The following SLCO4C1 variants were observed in gnomAD, a reference collection of about 807,000 sequenced individuals.
The protein encoded by SLCO4C1 is solute carrier organic anion transporter family member 4C1.
A neutral mutation model predicts 72.1 loss-of-function variants in SLCO4C1; 58 were observed. The ratio of observed to expected loss-of-function variants is 0.80; its 90% confidence interval spans 0.65 to 1.00. The LOEUF (loss-of-function observed/expected upper bound fraction) is 1.00. Among genes scored for constraint, SLCO4C1 ranks in the 50% least tolerant of loss-of-function variants. The pLI is 0.00. For synonymous variants in SLCO4C1, 297 were observed against 312.5 expected (o/e 0.95, Z 0.52); for missense variants, 898 against 857.9 (o/e 1.05, Z -0.58).
At chr5:102,266,884 T>A (rs970616538) in intron 3 of SLCO4C1, among the ~76,000 whole-genome samples, 4 of 152,188 alleles carry the variant, frequency 2.6e-5, no homozygotes, top group African/African-American at 9.7e-5. Flanking sequence ...ACAGAGATGA[T>A]CATGTGATAT....
At chr5:102,283,656 T>C (rs1749396754) in intron 2 of SLCO4C1, among the ~76,000 whole-genome samples, 1 of 150,502 alleles carries the variant, frequency 6.6e-6, no homozygotes, top group Non-Finnish European at 1.5e-5. Context: ...TAGACACAAC[T>C]ACGCCTATGG....
chr5:102,267,660 GGTTT>G (rs1749068068), intron 3 of SLCO4C1, among the ~76,000 whole-genome samples: 1 of 137,526 alleles, frequency 7.3e-6, no homozygotes, highest in African/African-American at 2.7e-5. Context: ...TCTAATTTTG[GGTTT>G]GTTTGTTCTT....
chr5:102,260,759 T>G (rs1178834192), intron 5 of SLCO4C1, among the ~76,000 whole-genome samples: 4 of 152,142 alleles, frequency 2.6e-5, no homozygotes, highest in African/African-American at 9.6e-5. Flanking sequence ...GCTCTCTTAA[T>G]CCTAACATGC....
chr5:102,271,107 C>A (rs1749144849), intron 2 of SLCO4C1, among the ~76,000 whole-genome samples: 1 of 151,840 alleles, frequency 6.6e-6, no homozygotes, highest in Non-Finnish European at 1.5e-5. Flanking sequence ...TGTTGTATAC[C>A]CCATTTAATT....
intron 1 of SLCO4C1, among the ~76,000 whole-genome samples, chr5:102,295,652 A>G (rs750114086): frequency 1.3e-5 from 2 of 152,288 alleles, no homozygotes; most frequent in Non-Finnish European, 2.9e-5. Context: ...AAACTGAGGT[A>G]AAACACAAAA....
At chr5:102,288,569 T>G (rs1470450983) in intron 2 of SLCO4C1, among the ~76,000 whole-genome samples, 1 of 152,186 alleles carries the variant, frequency 6.6e-6, no homozygotes, top group Non-Finnish European at 1.5e-5. Context: ...TGCACTTCCC[T>G]GTATAAAACT....
chr5:102,267,685 T>G (rs936195512), intron 3 of SLCO4C1, among the ~76,000 whole-genome samples: 1 of 151,650 alleles, frequency 6.6e-6, no homozygotes, highest in African/African-American at 2.4e-5. Context: ...GCTTTTCCAT[T>G]TCCTTGAGGT....
At chr5:102,248,983 G>T (rs902569966) in intron 9 of SLCO4C1, among the ~76,000 whole-genome samples, 5 of 152,088 alleles carry the variant, frequency 3.3e-5, no homozygotes, top group African/African-American at 1.2e-4. Context: ...ATATGAATTT[G>T]TATTTAAAAA....
In SLCO4C1 at chr5:102,295,954, T is replaced by C. The variant is rs777859716; in HGVS notation, c.309A>G (p.Thr103=). 8.9e-5 allele frequency: 144 copies of C among 1,613,982 alleles called. No individual in the cohort carries two copies. The highest frequency in any genetic ancestry group is 1.0e-4 in the Non-Finnish European group (119 of 1,180,020). ...FHPQCLQRCN[T]PGGFLLHYCL... The stretch of plus-strand genomic sequence containing the variant: ...AGTAGTGAAGCAGAAAGCCTCCAGG[T>C]GTGTTGCAGCGCTGGAGACATTGAG... Residue 103 remains threonine (T), a synonymous_variant, in exon 1 of 13, where the codon ACA becomes ACG. Coordinates refer to ENST00000310954, the MANE Select transcript of SLCO4C1 (RefSeq NM_180991.5).
At chr5:102,247,762 A>G (rs540070032) in intron 9 of SLCO4C1, among the ~76,000 whole-genome samples, 3 of 152,164 alleles carry the variant, frequency 2.0e-5, no homozygotes, top group Non-Finnish European at 2.9e-5. Flanking sequence ...TTCAACAGTA[A>G]TTATTTCTTA....
intron 9 of SLCO4C1, 113 bp from the exon 10 acceptor site, chr5:102,247,555 C>T (rs964574392): frequency 3.4e-6 from 2 of 591,330 alleles, no homozygotes; most frequent in Non-Finnish European, 5.3e-6. Flanking sequence ...AATCCATATT[C>T]AACAAATTAT....
In SLCO4C1 at chr5:102,236,762, T is replaced by C; in HGVS notation, c.*96A>G. ...AAAACATCAATTTTGTAAATATGAT[T>C]GTCCATATTGGATAGATAATCCTGC... On this transcript the variant is annotated 3_prime_UTR_variant, in exon 13 of 13. Transcript: ENST00000310954. The C allele has an allele frequency of 1.7e-6, 2 of 1,208,830 alleles. No homozygotes were observed. Among genetic ancestry groups the C allele is most frequent in the Non-Finnish European group, 2.3e-6 (2 of 854,648 alleles). 74.9% of individuals were successfully genotyped at this position (1,208,830 alleles called of 1,614,324 possible).
chr5:102,268,302 T>G (rs1749081047), intron 3 of SLCO4C1, among the ~76,000 whole-genome samples: 1 of 152,154 alleles, frequency 6.6e-6, no homozygotes, highest in Non-Finnish European at 1.5e-5. Context: ...TTGCTATATC[T>G]TCTTAGTGAA....
Position 102,247,337 on chromosome 5 carries a change from T to C in SLCO4C1, c.1726A>G (p.Lys576Glu), listed in dbSNP as rs1748653643. 1 of 1,600,828 alleles carries C rather than the reference T, an allele frequency of 6.2e-7. No individual in the cohort carries two copies. Among genetic ancestry groups the C allele is most frequent in the African/African-American group, 1.3e-5 (1 of 74,904 alleles). ...KAGKCETHCA[K>E]LPIFLCIFFI... The stretch of plus-strand genomic sequence containing the variant: ...AAAATGCAAAGGAATATGGGCAGTT[T>C]CGCACAATGAGTTTCACATTTTCCA... Residue 576 changes from lysine to glutamate, a missense_variant, in exon 10 of 13, where the codon AAA (lysine) becomes GAA (glutamate). Coordinates refer to ENST00000310954, the MANE Select transcript of SLCO4C1 (RefSeq NM_180991.5).
At chr5:102,288,540 T>C (rs1282797017) in intron 2 of SLCO4C1, among the ~76,000 whole-genome samples, 1 of 152,204 alleles carries the variant, frequency 6.6e-6, no homozygotes, top group Non-Finnish European at 1.5e-5. Context: ...CTCTTGTCTC[T>C]TAAACTCCAG....
rs996746489 is a variant in SLCO4C1 at position 102,237,098 on chromosome 5, T to C, written c.2015-80A>G. ...TATCACTGAGAAAAATCTTCATGAA[T>C]AGAACATTTTTAAAGAGAATAATTA... is the stretch of plus-strand genomic sequence containing the variant. On this transcript the variant is annotated intron_variant, in intron 12 of 12. Coordinates refer to ENST00000310954, the MANE Select transcript of SLCO4C1 (RefSeq NM_180991.5). The C allele has an allele frequency of 3.1e-5, 41 of 1,332,444 alleles. No homozygotes were observed. The African/African-American group carries it at 5.7e-4, about 18-fold the overall frequency. The allele number at this position is 1,332,444 out of a possible 1,614,324, so 82.5% of individuals were successfully genotyped here. A position where few individuals can be genotyped will look rare whatever the true frequency, so the allele number is the denominator to read the frequency against.
intron 1 of SLCO4C1, 100 bp from the exon 2 acceptor site, chr5:102,291,706 TC>T (rs776567293): frequency 0.053 from 46,327 of 873,118 alleles, 326 homozygotes; most frequent in East Asian, 0.065. Flanking sequence ...TTCTTTTTTT[TC>T]TTAAAATGTA....
rs1749132066 is a variant in SLCO4C1 at position 102,270,630 on chromosome 5, A to C, written c.796T>G (p.Tyr266Asp). The C allele has an allele frequency of 1.2e-6, 2 of 1,608,866 alleles. No individual in the cohort carries two copies. The highest frequency in any genetic ancestry group is 2.2e-5 in the South Asian group (2 of 90,094). The change falls in exon 3 of 13, where the codon TAT becomes GAT. Residue 266 changes from tyrosine (Y) to aspartate (D), a missense_variant. By Grantham distance (160) the Tyr-to-Asp change is radical (BLOSUM62 -3). Coordinates refer to ENST00000310954, the MANE Select transcript of SLCO4C1 (RefSeq NM_180991.5). ...DSVPTHKSSL[Y>D]IGTGYAMSIL... ...GTTTAGAGAGTAAACTTACCTATATAGAGAGAAGACTTGTGTGTGGGCACA... is the reference window on the plus strand; with the variant it reads ...GTTTAGAGAGTAAACTTACCTATATCGAGAGAAGACTTGTGTGTGGGCACA...
intron 8 of SLCO4C1, among the ~76,000 whole-genome samples, chr5:102,252,113 G>A (rs1282375138): frequency 6.6e-6 from 1 of 150,792 alleles, no homozygotes; most frequent in East Asian, 2.0e-4. Flanking sequence ...AAGGGAAAGA[G>A]ATAAGGAAAG....
Sources: gnomAD v4.1 joint callset for allele counts (sites outside exome capture counted in the v4.1 genomes callset) on GRCh38, gnomAD v4.1.1 for gene constraint, MANE v1.5 for transcripts, NCBI Gene and HGNC (gene_info 2026-07-23, HGNC 2026-07-21) for gene names.